Variants in CLCN7 observed in about 807,000 individuals in gnomAD.
CLCN7 encodes the protein H(+)/Cl(-) exchange transporter 7.
A neutral mutation model predicts 102.1 loss-of-function variants in CLCN7; 60 were observed. That is an observed-to-expected ratio of 0.59 (90% CI 0.48 to 0.73). The LOEUF (loss-of-function observed/expected upper bound fraction) is 0.73. Among genes scored for constraint, CLCN7 ranks in the 30% least tolerant of loss-of-function variants. The pLI, the probability that CLCN7 is intolerant of heterozygous loss-of-function variation, is 0.00. For synonymous variants in CLCN7, 560 were observed against 490.5 expected (o/e 1.14, Z -1.87); for missense variants, 962 against 1,125.7 (o/e 0.85, Z 2.08).
At position 1,456,696 on chromosome 16, in the gene CLCN7, C is replaced by A. The variant is rs575798789; in HGVS notation, c.823-490G>T. Reference sequence around the variant, plus strand: ...TCTACTAAAAATACAAAAAACTTAGCCAGGCGTGGTGGCGGGCACCTATAA... The same window carrying A: ...TCTACTAAAAATACAAAAAACTTAGACAGGCGTGGTGGCGGGCACCTATAA... On this transcript the variant is annotated intron_variant, in intron 9 of 24. Transcript: ENST00000382745. Among the ~76,000 whole-genome samples the A allele has an allele frequency of 2.0e-5, 3 of 152,160 alleles. No individual in the cohort carries two copies. The South Asian group carries it at 6.2e-4, about 32-fold the overall frequency.
chr16:1,447,414 G>C lies in CLCN7; in HGVS notation c.2228C>G (p.Pro743Arg). 6.4e-7 allele frequency: 1 copy of C among 1,550,732 alleles called. No homozygotes were observed. Among genetic ancestry groups the C allele is most frequent in the Non-Finnish European group, 8.7e-7 (1 of 1,147,250 alleles). The change falls in exon 23 of 25, where the codon CCC becomes CGC. Residue 743 changes from proline to arginine, a missense_variant. Physicochemically the swap from Pro to Arg is moderately radical, Grantham distance 103. Coordinates refer to ENST00000382745, the MANE Select transcript of CLCN7 (RefSeq NM_001287.6). ...TGCCTGGGGCACCGTGTAGGGGGAGGGGTTCATGAACTCGGAGAGGTCCAT... is the reference window on the plus strand; with the variant it reads ...TGCCTGGGGCACCGTGTAGGGGGAGCGGTTCATGAACTCGGAGAGGTCCAT... ...CTMDLSEFMN[P>R]SPYTVPQEAS... is the part of the protein sequence containing the mutation.
chr16:1,463,983 C>A (rs1223073106), intron 2 of CLCN7, among the ~76,000 whole-genome samples: 1 of 152,158 alleles, frequency 6.6e-6, no homozygotes, highest in Non-Finnish European at 1.5e-5. Context: ...CCATGTTGAT[C>A]AGGCTGATCT....
At chr16:1,460,998 C>T (rs748094615) in intron 4 of CLCN7, 50 bp from the exon 5 acceptor site, 1 of 1,603,298 alleles carries the variant, frequency 6.2e-7, no homozygotes, top group Admixed American at 1.7e-5. Flanking sequence ...GGCGCAGTCA[C>T]TCTGGCAGCA....
chr16:1,474,266 A>G (rs2039119198), intron 1 of CLCN7: 1 of 452,918 alleles, frequency 2.2e-6, no homozygotes, highest in Non-Finnish European at 4.4e-6. Flanking sequence ...GTGCGAAGGG[A>G]GACTGAGTAC....
chr16:1,446,008 T>TACCC lies in CLCN7; in HGVS notation c.*619_*622dup. Reference sequence around the variant, plus strand: ...GTCACCCCAGTCCTCTGGGCCTGTGTACCCAAGCCGGATGCAGGCCGGGGA... The same window carrying TACCC: ...GTCACCCCAGTCCTCTGGGCCTGTGTACCCACCCAAGCCGGATGCAGGCCGGGGA... On this transcript the variant is annotated 3_prime_UTR_variant, in exon 25 of 25. Coordinates refer to ENST00000382745, the MANE Select transcript of CLCN7 (RefSeq NM_001287.6). 3.9e-6 allele frequency: 2 copies of TACCC among 519,222 alleles called. No homozygotes were observed. Among genetic ancestry groups the TACCC allele is most frequent in the Non-Finnish European group, 6.8e-6 (2 of 292,266 alleles). 32.2% of individuals were successfully genotyped at this position (519,222 alleles called of 1,614,324 possible).
At position 1,457,848 on chromosome 16, in the gene CLCN7, G is replaced by A. The variant is rs2038862575; in HGVS notation, c.676-92C>T. On this transcript the variant is annotated intron_variant, in intron 7 of 24. Coordinates refer to ENST00000382745, the MANE Select transcript of CLCN7 (RefSeq NM_001287.6). This position sits in a 1 kb window ranked among gnomAD's most constrained non-coding sequence, Gnocchi z 5.4. ...AAACAGCACACACAGCCCCGATCAG[G>A]CAGAGTGGCTGGGACACGGGGCCTC... 3.0e-6 allele frequency: 4 copies of A among 1,315,356 alleles called. No individual in the cohort carries two copies. The highest frequency in any genetic ancestry group is 1.2e-5 in the South Asian group (1 of 84,272). The allele number at this position is 1,315,356 out of a possible 1,614,324, so 81.5% of individuals were successfully genotyped here. A position where few individuals can be genotyped will look rare whatever the true frequency, so the allele number is the denominator to read the frequency against.
intron 13 of CLCN7, among the ~76,000 whole-genome samples, chr16:1,454,151 C>T (rs1819324020): frequency 6.6e-6 from 1 of 152,272 alleles, no homozygotes; most frequent in African/African-American, 2.4e-5. Flanking sequence ...GCAATTCTAT[C>T]TCTTACAGGA....
chr16:1,460,330 G>C (rs759638784), intron 6 of CLCN7, 88 bp downstream of exon 6: 1 of 947,518 alleles, frequency 1.1e-6, no homozygotes, highest in Non-Finnish European at 1.7e-6. Context: ...GATGGTGGGG[G>C]TGGGTGAGCT....
intron 1 of CLCN7, 81 bp downstream of exon 1, chr16:1,474,753 G>A (rs1567279504): frequency 8.7e-7 from 1 of 1,147,052 alleles, no homozygotes; most frequent in African/African-American, 1.7e-5. Context: ...GACACGCGGC[G>A]CCGCCAGAAG....
chr16:1,445,931 A>T lies in CLCN7; in HGVS notation c.*700T>A. ...CAAGGCAGGGCTGGGCATGGGGCTC[A>T]GGGCCTTGGAGGTTTTTCTCAGCTC... On this transcript the variant is annotated 3_prime_UTR_variant, in exon 25 of 25. Transcript: ENST00000382745. The T allele has an allele frequency of 4.0e-6, 1 of 248,400 alleles. No individual in the cohort carries two copies. Among genetic ancestry groups the T allele is most frequent in the Middle Eastern group, 1.3e-3 (1 of 754 alleles). The allele number at this position is 248,400 out of a possible 1,614,324, so 15.4% of individuals were successfully genotyped here.
At chr16:1,467,111 G>C (rs2039016266) in intron 1 of CLCN7, among the ~76,000 whole-genome samples, 1 of 152,060 alleles carries the variant, frequency 6.6e-6, no homozygotes, top group Non-Finnish European at 1.5e-5. Context: ...ACTGGCCCTT[G>C]GCAGACACCA....
At position 1,447,350 on chromosome 16, in the gene CLCN7, T is replaced by A. The variant is rs545789079; in HGVS notation, c.2250+42A>T. On this transcript the variant is annotated intron_variant, in intron 23 of 24. Coordinates refer to ENST00000382745, the MANE Select transcript of CLCN7 (RefSeq NM_001287.6). ...GGCTCTGGACCCCACCCCCTGCTGT[T>A]CAGTCCCAGGCCCCACGCCCATGCC... 2.6e-6 allele frequency: 4 copies of A among 1,523,268 alleles called. No individual in the cohort carries two copies. In the African/African-American group the frequency reaches 5.5e-5, roughly 21 times the overall value. The allele number at this position is 1,523,268 out of a possible 1,614,324, so 94.4% of individuals were successfully genotyped here.
In CLCN7 at chr16:1,447,098, G is replaced by A; in HGVS notation, c.2251-12C>T. On this transcript the variant is annotated splice_polypyrimidine_tract_variant and intron_variant, in intron 23 of 24. Transcript: ENST00000382745. The stretch of plus-strand genomic sequence containing the variant: ...GGGAGCGACGCCTCCTGCAGCAGGG[G>A]CACAGCTGTCAGTGCCCGCCCACAC... 1 of 1,588,270 alleles carries A rather than the reference G, an allele frequency of 6.3e-7. No individual in the cohort carries two copies. Among genetic ancestry groups the A allele is most frequent in the Non-Finnish European group, 8.5e-7 (1 of 1,172,822 alleles).
At chr16:1,460,088 G>A (rs954236971) in intron 6 of CLCN7, among the ~76,000 whole-genome samples, 2 of 152,084 alleles carry the variant, frequency 1.3e-5, no homozygotes, top group African/African-American at 2.4e-5. Flanking sequence ...TCCCAGCCCA[G>A]ACACAGATCA....
rs1433733497 is a variant in CLCN7 at position 1,446,278 on chromosome 16, AC to A, written c.*352del. ...CAGGGGCAAGGGCTCTGTCTCACGCACACGGGCACAGGCACGCAGGTGCCGG... is the reference window on the plus strand; with the variant it reads ...CAGGGGCAAGGGCTCTGTCTCACGCAACGGGCACAGGCACGCAGGTGCCGG... On this transcript the variant is annotated 3_prime_UTR_variant, in exon 25 of 25. Coordinates refer to ENST00000382745, the MANE Select transcript of CLCN7 (RefSeq NM_001287.6). 1.4e-6 allele frequency: 1 copy of A among 695,238 alleles called. No homozygotes were observed. Among genetic ancestry groups the A allele is most frequent in the Non-Finnish European group, 2.6e-6 (1 of 381,816 alleles). 43.1% of individuals were successfully genotyped at this position (695,238 alleles called of 1,614,324 possible). A position where few individuals can be genotyped will look rare whatever the true frequency, so the allele number is the denominator to read the frequency against.
chr16:1,461,336 G>A, intron 4 of CLCN7, 69 bp downstream of exon 4: 3 of 1,368,460 alleles, frequency 2.2e-6, no homozygotes, highest in Non-Finnish European at 3.0e-6. Context: ...CGGCAGAAGA[G>A]CAGCCCCAGG....
rs568768582 is a variant in CLCN7, at chr16:1,450,557, G to A, written c.1557C>T (p.Leu519=). Residue 519 remains leucine (L), a synonymous_variant, in exon 17 of 25, where the codon CTC becomes CTT. Transcript: ENST00000382745. ...AGAGCCGGCCCCAGGCAGCCCCGAT[G>A]AGCAGGGACGGGATGAAGACCCCGG... is the stretch of plus-strand genomic sequence containing the variant. The part of the protein sequence containing the change: ...VSAGVFIPSL[L]IGAAWGRLFG... The A allele has an allele frequency of 3.1e-6, 5 of 1,611,970 alleles. No homozygotes were observed. In the East Asian group the frequency reaches 6.7e-5, roughly 22 times the overall value.
At chr16:1,447,339 C>T (rs1215530248) in intron 23 of CLCN7, 53 bp downstream of exon 23, 1 of 1,506,228 alleles carries the variant, frequency 6.6e-7, no homozygotes, top group Admixed American at 2.0e-5. Context: ...CTGGACCCCA[C>T]CCCCTGCTGT....
chr16:1,465,392 G>A (rs1031928555), intron 1 of CLCN7, 54 bp from the exon 2 acceptor site: 28 of 1,502,952 alleles, frequency 1.9e-5, no homozygotes, highest in East Asian at 7.0e-5. Context: ...GCTCTGCTCC[G>A]TGGATTCTCA....
Sources: allele counts gnomAD v4.1 joint callset (sites outside exome capture counted in the v4.1 genomes callset), GRCh38; gene constraint gnomAD v4.1.1; non-coding constraint Gnocchi (gnomAD v3.1); transcripts MANE v1.5; gene names NCBI Gene and HGNC (gene_info 2026-07-23, HGNC 2026-07-21).